The following CDH8 variants were observed in gnomAD, a reference collection of about 807,000 sequenced individuals.
CDH8 encodes cadherin 8, also known as cadherin-8.
CDH8 carries 17 observed loss-of-function variants against 68.1 expected under a neutral mutation model. That is an observed-to-expected ratio of 0.25 (90% CI 0.17 to 0.37). CDH8 has a LOEUF of 0.37. Among genes scored for constraint, CDH8 ranks in the 10% least tolerant of loss-of-function variants. The pLI is 1.00. For synonymous variants in CDH8, 372 were observed against 365.1 expected, an observed-to-expected ratio of 1.02 and a Z score of -0.21; for missense variants, 763 against 999.3, an observed-to-expected ratio of 0.76 and a Z score of 3.19.
At chr16:61,660,374 G>A (rs565568670) in intron 10 of CDH8, among the ~76,000 whole-genome samples, 15 of 151,862 alleles carry the variant, frequency 9.9e-5, no homozygotes, top group Middle Eastern at 3.4e-3. Context: ...GAAATGATTA[G>A]TGAACTCAAA....
intron 8 of CDH8, among the ~76,000 whole-genome samples, chr16:61,728,101 T>G (rs534513722): frequency 6.6e-6 from 1 of 151,218 alleles, no homozygotes; most frequent in South Asian, 2.1e-4. Flanking sequence ...GATAGCCAAT[T>G]ATTTATTTGC....
At chr16:62,021,681 C>A in intron 1 of CDH8, 79 bp from the exon 2 acceptor site, 1 of 731,086 alleles carries the variant, frequency 1.4e-6, no homozygotes, top group Non-Finnish European at 1.9e-6. Flanking sequence ...TCAAAAGCAC[C>A]TGAAGTGAAC....
At chr16:61,670,107 G>A (rs767933697) in intron 10 of CDH8, among the ~76,000 whole-genome samples, 91 of 151,710 alleles carry the variant, frequency 6.0e-4, no homozygotes, top group Non-Finnish European at 1.0e-3. Context: ...GTTATATTTC[G>A]TGTACTATCT....
At chr16:61,797,568 A>C (rs1421814884) in intron 7 of CDH8, among the ~76,000 whole-genome samples, 3 of 152,124 alleles carry the variant, frequency 2.0e-5, no homozygotes, top group African/African-American at 7.2e-5. Flanking sequence ...TCATCTAAAA[A>C]ATGAGAACAA....
At chr16:61,981,554 A>T (rs542388771) in intron 2 of CDH8, among the ~76,000 whole-genome samples, 12 of 152,314 alleles carry the variant, frequency 7.9e-5, no homozygotes, top group Non-Finnish European at 1.2e-4. Flanking sequence ...CGTAATAAGG[A>T]CACAGAGTAA....
chr16:61,821,158 A>T, intron 5 of CDH8, 45 bp from the exon 6 acceptor site: 1 of 1,435,036 alleles, frequency 7.0e-7, no homozygotes, highest in Non-Finnish European at 9.6e-7. Context: ...AATTCCAACC[A>T]TTCATTCATT....
intron 2 of CDH8, among the ~76,000 whole-genome samples, chr16:61,985,127 A>G (rs1965603742): frequency 1.3e-5 from 2 of 150,622 alleles, no homozygotes; most frequent in Admixed American, 1.3e-4. Context: ...TTTTTTTTTC[A>G]AATGTAAAGA....
intron 2 of CDH8, among the ~76,000 whole-genome samples, chr16:61,984,954 A>C (rs1223738503): frequency 6.6e-6 from 1 of 152,058 alleles, no homozygotes; most frequent in Non-Finnish European, 1.5e-5. Context: ...GTTTATATGA[A>C]GTTTCTATAT....
intron 2 of CDH8, among the ~76,000 whole-genome samples, chr16:61,923,234 C>T (rs924239554): frequency 2.6e-5 from 4 of 152,138 alleles, no homozygotes; most frequent in Non-Finnish European, 4.4e-5. Flanking sequence ...AATTAGATAG[C>T]TTGAGGATTA....
intron 2 of CDH8, among the ~76,000 whole-genome samples, chr16:61,931,773 C>T (rs1028190300): frequency 2.6e-5 from 4 of 152,032 alleles, no homozygotes; most frequent in African/African-American, 9.7e-5. Flanking sequence ...TAAGACGTAC[C>T]CTTAAAACAT....
chr16:61,717,883 G>A (rs1397532269), intron 9 of CDH8, among the ~76,000 whole-genome samples: 1 of 151,528 alleles, frequency 6.6e-6, no homozygotes, highest in Non-Finnish European at 1.5e-5. Flanking sequence ...ACAATACCTT[G>A]AGAGGTAAAT....
chr16:61,746,576 C>CACACACACACA (rs1431188518), intron 8 of CDH8, among the ~76,000 whole-genome samples: 7 of 151,512 alleles, frequency 4.6e-5, no homozygotes, highest in African/African-American at 1.7e-4. Flanking sequence ...CACACACACA[C>CACACACACACA]ACACACACAC....
At position 61,899,947 on chromosome 16, in the gene CDH8, G is replaced by T. The variant is rs539488429; in HGVS notation, c.547+1232C>A. On this transcript the variant is annotated intron_variant, in intron 3 of 11. Coordinates refer to ENST00000577390, the MANE Select transcript of CDH8 (RefSeq NM_001796.5). The stretch of plus-strand genomic sequence containing the variant: ...GGCATTCTGTACTATACCTGACAAT[G>T]GTCACCCAATTTAGCCTTGAAAACC... Among the ~76,000 whole-genome samples the T allele has an allele frequency of 4.0e-5, 6 of 151,746 alleles. No individual in the cohort carries two copies. In the East Asian group the frequency reaches 1.2e-3, roughly 30 times the overall value.
intron 10 of CDH8, among the ~76,000 whole-genome samples, chr16:61,661,140 T>A (rs145100850): frequency 0.022 from 3,376 of 152,134 alleles, 77 homozygotes; most frequent in Non-Finnish European, 0.033. Flanking sequence ...ATAAAATATC[T>A]AGAAATTAAA....
intron 9 of CDH8, among the ~76,000 whole-genome samples, chr16:61,722,241 G>A (rs1050210351): frequency 1.1e-4 from 16 of 150,546 alleles, no homozygotes; most frequent in Non-Finnish European, 1.8e-4. Flanking sequence ...CTGCCTTCAT[G>A]CCCAGCTCTT....
intron 8 of CDH8, among the ~76,000 whole-genome samples, chr16:61,754,920 T>A (rs1960272858): frequency 6.6e-6 from 1 of 152,162 alleles, no homozygotes; most frequent in Non-Finnish European, 1.5e-5. Context: ...ACTGGCCCCC[T>A]ACTTTCCTCC....
chr16:61,803,415 GC>G (rs1259501909), intron 7 of CDH8, among the ~76,000 whole-genome samples: 1 of 130,648 alleles, frequency 7.7e-6, no homozygotes, highest in Non-Finnish European at 1.6e-5. Context: ...CAACTAACCA[GC>G]AAAATCACCA....
chr16:61,959,980 GTGTGTATATATATA>G (rs1311912240), intron 2 of CDH8, among the ~76,000 whole-genome samples: 2 of 37,366 alleles, frequency 5.4e-5, no homozygotes, highest in African/African-American at 1.6e-4. Flanking sequence ...ATGTGTGTGT[GTGTGTATATATATA>G]TATATATATA....
At chr16:61,810,949 A>C (rs528911622) in intron 7 of CDH8, among the ~76,000 whole-genome samples, 17 of 150,972 alleles carry the variant, frequency 1.1e-4, no homozygotes, top group Admixed American at 6.0e-4. Flanking sequence ...GCTTGAACCC[A>C]AGAGGCTGAG....
Sources: gnomAD v4.1 joint callset for allele counts (sites outside exome capture counted in the v4.1 genomes callset) on GRCh38, gnomAD v4.1.1 for gene constraint, MANE v1.5 for transcripts, NCBI Gene and HGNC (gene_info 2026-07-23, HGNC 2026-07-21) for gene names.